DLG2: variants seen among roughly 807,000 people sequenced by gnomAD.
DLG2 encodes the protein disks large homolog 2.
DLG2 carries 45 observed loss-of-function variants against 132.5 expected under a neutral mutation model. The observed-to-expected ratio is 0.34, with a 90% confidence interval of 0.27 to 0.44. The LOEUF is 0.44. DLG2 is among the 20% of genes least tolerant of loss of function. The probability of loss-of-function intolerance (pLI) is 1.00; values close to 1 mark genes in which losing one functional copy is unlikely to be tolerated. For synonymous variants in DLG2, 424 were observed against 419.6 expected, an observed-to-expected ratio of 1.01 and a Z score of -0.13; for missense variants, 1,045 against 1,196.9, an observed-to-expected ratio of 0.87 and a Z score of 1.87.
chr11:85,531,442 T>G (rs553634067), intron 3 of DLG2, among the ~76,000 whole-genome samples: 1 of 152,228 alleles, frequency 6.6e-6, no homozygotes, highest in Non-Finnish European at 1.5e-5. Flanking sequence ...TTATATCTGC[T>G]TTGTGCCAGC....
chr11:84,383,112 A>T (rs2098754673), intron 7 of DLG2, among the ~76,000 whole-genome samples: 1 of 151,906 alleles, frequency 6.6e-6, no homozygotes, highest in African/African-American at 2.4e-5. Flanking sequence ...TTAATTCACA[A>T]AAGAAGGCCC....
chr11:84,895,332 C>A (rs892512174), intron 6 of DLG2, among the ~76,000 whole-genome samples: 2 of 151,936 alleles, frequency 1.3e-5, no homozygotes, highest in Non-Finnish European at 2.9e-5. Context: ...TACTAGGCAC[C>A]TCAGCAGTGG....
At chr11:84,632,254 T>C (rs369625467) in intron 6 of DLG2, among the ~76,000 whole-genome samples, 2 of 150,660 alleles carry the variant, frequency 1.3e-5, no homozygotes, top group African/African-American at 2.4e-5. Context: ...CTCTTTTCAG[T>C]CTTGCTTTTT....
intron 6 of DLG2, among the ~76,000 whole-genome samples, chr11:84,671,160 T>C (rs1378030872): frequency 6.6e-6 from 1 of 151,648 alleles, no homozygotes; most frequent in African/African-American, 2.4e-5. Flanking sequence ...AGTGGTGAGA[T>C]CACAGCTCAC....
intron 11 of DLG2, among the ~76,000 whole-genome samples, chr11:83,993,207 A>G (rs1447877905): frequency 6.6e-6 from 1 of 152,168 alleles, no homozygotes; most frequent in South Asian, 2.1e-4. Context: ...AGACTATGTT[A>G]GCACAGTGCT....
chr11:83,918,751 C>T (rs1032285439), intron 15 of DLG2, among the ~76,000 whole-genome samples: 2 of 145,964 alleles, frequency 1.4e-5, no homozygotes. Flanking sequence ...TCCCACACGG[C>T]GCCTGTCAAA....
At chr11:84,141,247 T>C (rs1439203808) in intron 9 of DLG2, among the ~76,000 whole-genome samples, 1 of 151,908 alleles carries the variant, frequency 6.6e-6, no homozygotes, top group African/African-American at 2.4e-5. Context: ...CCATTTACTA[T>C]CTAGTGACAT....
intron 7 of DLG2, among the ~76,000 whole-genome samples, chr11:84,288,257 GAATA>G (rs2097937543): frequency 6.6e-6 from 1 of 151,784 alleles, no homozygotes; most frequent in Non-Finnish European, 1.5e-5. Context: ...AGGATTAAAT[GAATA>G]CTTACACTTA....
intron 7 of DLG2, among the ~76,000 whole-genome samples, chr11:84,458,147 T>C (rs1023062269): frequency 5.3e-5 from 8 of 150,830 alleles, no homozygotes; most frequent in African/African-American, 1.9e-4. Flanking sequence ...GTACACCATC[T>C]AATGTGCTTC....
chr11:84,743,935 A>C (rs908804864), intron 6 of DLG2, among the ~76,000 whole-genome samples: 1 of 152,050 alleles, frequency 6.6e-6, no homozygotes, highest in Non-Finnish European at 1.5e-5. Context: ...CATCTTGGCC[A>C]GGCTGGTCTT....
At chr11:84,918,872 T>C (rs1036157547) in intron 6 of DLG2, among the ~76,000 whole-genome samples, 1 of 152,124 alleles carries the variant, frequency 6.6e-6, no homozygotes, top group African/African-American at 2.4e-5. Flanking sequence ...AAAAAAGAAA[T>C]GTGAGATTCG....
chr11:85,336,733 G>A (rs1024255442), intron 3 of DLG2, among the ~76,000 whole-genome samples: 8 of 152,190 alleles, frequency 5.3e-5, no homozygotes, highest in South Asian at 2.1e-4. Context: ...AGGCCCAGAT[G>A]AGCAGAGCAG....
chr11:83,486,625 T>C (rs1165562637), intron 21 of DLG2, among the ~76,000 whole-genome samples: 1 of 152,120 alleles, frequency 6.6e-6, no homozygotes, highest in Non-Finnish European at 1.5e-5. Flanking sequence ...AATCATCTGA[T>C]TGGGACATAA....
chr11:84,405,370 C>T (rs574775815), intron 7 of DLG2, among the ~76,000 whole-genome samples: 21 of 152,266 alleles, frequency 1.4e-4, no homozygotes, highest in African/African-American at 5.1e-4. Flanking sequence ...CCTATTATCT[C>T]TGCCTGACAT....
chr11:84,070,684 G>A (rs1339334743), intron 10 of DLG2, among the ~76,000 whole-genome samples: 2 of 152,204 alleles, frequency 1.3e-5, no homozygotes, highest in African/African-American at 4.8e-5. Context: ...AAGGAGCATG[G>A]CATGGTGGGA....
chr11:84,874,310 T>C (rs1490220630), intron 6 of DLG2, among the ~76,000 whole-genome samples: 2 of 152,110 alleles, frequency 1.3e-5, no homozygotes, highest in African/African-American at 2.4e-5. Context: ...AGAAAATCCT[T>C]GGGAGAAAGA....
At chr11:84,879,369 T>C (rs1038762802) in intron 6 of DLG2, among the ~76,000 whole-genome samples, 1 of 152,186 alleles carries the variant, frequency 6.6e-6, no homozygotes, top group African/African-American at 2.4e-5. Flanking sequence ...AAGATAATTC[T>C]TGGCTTTCAG....
intron 3 of DLG2, among the ~76,000 whole-genome samples, chr11:85,586,381 G>C (rs530258968): frequency 6.6e-6 from 1 of 151,810 alleles, no homozygotes; most frequent in Non-Finnish European, 1.5e-5. Flanking sequence ...TTTCAATTTC[G>C]CTGCTTGTTA....
chr11:85,050,549 T>A (rs1361563170), intron 6 of DLG2, among the ~76,000 whole-genome samples: 1 of 152,088 alleles, frequency 6.6e-6, no homozygotes, highest in Non-Finnish European at 1.5e-5. Flanking sequence ...ACTCCTCTCA[T>A]GATAGGTTTC....
Sources: allele counts gnomAD v4.1 joint callset (sites outside exome capture counted in the v4.1 genomes callset), GRCh38; gene constraint gnomAD v4.1.1; transcripts MANE v1.5; gene names NCBI Gene and HGNC (gene_info 2026-07-23, HGNC 2026-07-21).